CDKAL1: variants seen among roughly 807,000 people sequenced by gnomAD.
CDKAL1 encodes the protein threonylcarbamoyladenosine tRNA methylthiotransferase.
CDKAL1 carries 32 observed loss-of-function variants against 68.2 expected under a neutral mutation model. The ratio of observed to expected loss-of-function variants is 0.47; its 90% CI spans 0.35 to 0.63. The LOEUF (loss-of-function observed/expected upper bound fraction) is 0.63, where lower values mean the gene tolerates loss of function less well. Among genes scored for constraint, CDKAL1 ranks in the 30% least tolerant of loss-of-function variants. The pLI is 0.00. For missense variants in CDKAL1, 606 were observed against 696.7 expected (o/e 0.87, Z 1.47); for synonymous variants, 234 against 244.3 (o/e 0.96, Z 0.39).
At chr6:20,647,603 G>A (rs942689552) in intron 4 of CDKAL1, among the ~76,000 whole-genome samples, 1 of 152,174 alleles carries the variant, frequency 6.6e-6, no homozygotes, top group Non-Finnish European at 1.5e-5. Context: ...TCTACACACA[G>A]TCTGTTATAG....
At chr6:20,586,150 C>G (rs1765345478) in intron 4 of CDKAL1, among the ~76,000 whole-genome samples, 1 of 152,192 alleles carries the variant, frequency 6.6e-6, no homozygotes, top group South Asian at 2.1e-4. Context: ...ATCACCTTCA[C>G]TTAGGCTACC....
intron 12 of CDKAL1, among the ~76,000 whole-genome samples, chr6:21,079,108 A>G (rs925121150): frequency 6.6e-6 from 1 of 152,182 alleles, no homozygotes; most frequent in Non-Finnish European, 1.5e-5. Flanking sequence ...TAAAACAGGG[A>G]ACATTAATGA....
chr6:20,801,702 A>T (rs561711669), intron 8 of CDKAL1, among the ~76,000 whole-genome samples: 2 of 152,228 alleles, frequency 1.3e-5, no homozygotes, highest in Admixed American at 1.3e-4. Flanking sequence ...TCTATTTTTT[A>T]AAAAACCTGT....
At chr6:21,143,991 G>T (rs933711615) in intron 13 of CDKAL1, among the ~76,000 whole-genome samples, 1 of 117,706 alleles carries the variant, frequency 8.5e-6, no homozygotes, top group African/African-American at 3.5e-5. Context: ...GAGAGAGTTG[G>T]ATGGTAAAAA....
rs546333346 is a variant in CDKAL1 at position 21,156,001 on chromosome 6, A to T, written c.1300-42020A>T. Among the ~76,000 whole-genome samples, 7 of 152,348 alleles carry T rather than the reference A, an allele frequency of 4.6e-5. No individual in the cohort carries two copies. In the South Asian group the frequency reaches 1.2e-3, roughly 27 times the overall value. ...TAATGGTAGTGACTAAAATCATGTTATAGGAGAATATTTAGTGATAGGGAG... is the reference window on the plus strand; with the variant it reads ...TAATGGTAGTGACTAAAATCATGTTTTAGGAGAATATTTAGTGATAGGGAG... On this transcript the variant is annotated intron_variant, in intron 13 of 15. Transcript: ENST00000274695.
intron 8 of CDKAL1, among the ~76,000 whole-genome samples, chr6:20,781,498 A>T (rs927663205): frequency 6.6e-6 from 1 of 152,114 alleles, no homozygotes; most frequent in Non-Finnish European, 1.5e-5. Context: ...TAATAAACAT[A>T]ATAAACATGG....
intron 13 of CDKAL1, among the ~76,000 whole-genome samples, chr6:21,143,703 C>T (rs1472569495): frequency 2.6e-5 from 4 of 152,150 alleles, no homozygotes; most frequent in East Asian, 3.8e-4. Context: ...ATAGCATGTT[C>T]ATGTGCAGCA....
At chr6:21,110,978 A>AT (rs111262175) in intron 13 of CDKAL1, among the ~76,000 whole-genome samples, 5,352 of 151,554 alleles carry the variant, frequency 0.035, 268 homozygotes, top group African/African-American at 0.11. Flanking sequence ...CTAAAAGAAC[A>AT]TTTTTTTTTA....
Position 21,231,007 on chromosome 6 carries a change from C to T in CDKAL1, c.1708C>T (p.Leu570Phe), listed in dbSNP as rs1562135669. The change falls in exon 16 of 16, where the codon CTT (leucine) becomes TTT (phenylalanine). Residue 570 changes from leucine to phenylalanine, a missense_variant. Physicochemically the swap from Leu to Phe is conservative, Grantham distance 22. Transcript: ENST00000274695. ...CGTGGGCTTGGCTCTGCTGGGTCTT[C>T]TTTTTGCTTTTTTTGTCAAGGTCTA... ...MSVGLALLGL[L>F]FAFFVKVYN The T allele has an allele frequency of 6.2e-7, 1 of 1,608,132 alleles. No individual in the cohort carries two copies. The highest frequency in any genetic ancestry group is 1.3e-5 in the African/African-American group (1 of 74,700).
At chr6:21,101,872 G>C (rs1284767001) in intron 12 of CDKAL1, among the ~76,000 whole-genome samples, 1 of 152,064 alleles carries the variant, frequency 6.6e-6, no homozygotes, top group Non-Finnish European at 1.5e-5. Context: ...GTTACCAAGA[G>C]CTGTCTATCC....
At position 21,003,371 on chromosome 6, in the gene CDKAL1, T is replaced by TATATATATACACAC; in HGVS notation, c.1055+3000_1055+3001insTATATATACACACA. On this transcript the variant is annotated intron_variant, in intron 11 of 15. Transcript: ENST00000274695. ...ATATATATATATATATATATATATA[T>TATATATATACACAC]ACACACACACACACACACATATATA... is the stretch of plus-strand genomic sequence containing the variant. Among the ~76,000 whole-genome samples the TATATATATACACAC allele has an allele frequency of 1.7e-3, 84 of 49,290 alleles. 1 individual carries two copies. The highest frequency in any genetic ancestry group is 8.9e-3 in the Middle Eastern group (1 of 112). 32.3% of individuals were successfully genotyped at this position (49,290 alleles called of 152,430 possible).
At chr6:20,830,019 C>T (rs992252175) in intron 8 of CDKAL1, among the ~76,000 whole-genome samples, 26 of 152,258 alleles carry the variant, frequency 1.7e-4, no homozygotes, top group African/African-American at 6.3e-4. Context: ...GAACAGCTGG[C>T]TAACTTTTGT....
intron 4 of CDKAL1, among the ~76,000 whole-genome samples, chr6:20,593,714 G>A (rs535672824): frequency 6.6e-6 from 1 of 151,484 alleles, no homozygotes; most frequent in African/African-American, 2.4e-5. Context: ...CTTGTCTTCT[G>A]CTAGCTTTTG....
intron 5 of CDKAL1, among the ~76,000 whole-genome samples, chr6:20,661,604 AAC>A (rs1491073839): frequency 6.9e-6 from 1 of 145,696 alleles, no homozygotes; most frequent in African/African-American, 2.6e-5. Context: ...CATAAAAAAA[AAC>A]CAAATGAAAC....
At chr6:20,706,865 A>G (rs922513833) in intron 5 of CDKAL1, among the ~76,000 whole-genome samples, 1 of 152,100 alleles carries the variant, frequency 6.6e-6, no homozygotes, top group African/African-American at 2.4e-5. Flanking sequence ...GTTACTTAAA[A>G]AAAAAATTAC....
chr6:21,013,852 G>A (rs1298522483), intron 11 of CDKAL1, among the ~76,000 whole-genome samples: 2 of 152,118 alleles, frequency 1.3e-5, no homozygotes, highest in Non-Finnish European at 2.9e-5. Context: ...ACATAAAACA[G>A]TGTCTCAGAC....
At chr6:20,987,926 C>A (rs1409548796) in intron 10 of CDKAL1, among the ~76,000 whole-genome samples, 1 of 148,060 alleles carries the variant, frequency 6.8e-6, no homozygotes, top group Admixed American at 6.8e-5. Flanking sequence ...ACTCCAGGCA[C>A]ACACTACCAT....
At chr6:20,606,449 C>A (rs1380362264) in intron 4 of CDKAL1, among the ~76,000 whole-genome samples, 2 of 152,024 alleles carry the variant, frequency 1.3e-5, no homozygotes, top group Non-Finnish European at 2.9e-5. Flanking sequence ...AGGTTTGTGT[C>A]CATAGAGAAG....
intron 11 of CDKAL1, among the ~76,000 whole-genome samples, chr6:21,032,371 G>T (rs948917658): frequency 5.9e-5 from 9 of 152,030 alleles, no homozygotes; most frequent in African/African-American, 2.2e-4. Context: ...ACTGCACCTG[G>T]CTATTTCCCC....
Sources: gnomAD v4.1 joint callset for allele counts (sites outside exome capture counted in the v4.1 genomes callset) on GRCh38, gnomAD v4.1.1 for gene constraint, MANE v1.5 for transcripts, NCBI Gene and HGNC (gene_info 2026-07-23, HGNC 2026-07-21) for gene names.